Variants in ACVR2A observed in about 807,000 individuals in gnomAD.
ACVR2A encodes activin receptor type-2A.
In ACVR2A, 7 loss-of-function variants were observed where a neutral mutation model predicts 61.4. The observed-to-expected ratio is 0.11, with a 90% confidence interval of 0.06 to 0.21. ACVR2A has a LOEUF of 0.21. Ranked by LOEUF, ACVR2A falls within the 10% of genes least tolerant of loss-of-function variation. The pLI is 1.00. For missense variants in ACVR2A, 322 were observed against 621.7 expected, an observed-to-expected ratio of 0.52 and a Z score of 5.13; for synonymous variants, 193 against 208.3, an observed-to-expected ratio of 0.93 and a Z score of 0.63.
intron 4 of ACVR2A, among the ~76,000 whole-genome samples, chr2:147,906,840 A>T (rs748720123): frequency 0.01 from 712 of 68,384 alleles, 1 homozygote; most frequent in East Asian, 0.018. Context: ...TTTTTTTTTT[A>T]ACTTTAAATT....
At chr2:147,893,184 T>C (rs1170270438) in intron 1 of ACVR2A, among the ~76,000 whole-genome samples, 3 of 152,212 alleles carry the variant, frequency 2.0e-5, no homozygotes, top group Admixed American at 6.5e-5. Context: ...GTCTGTCTGC[T>C]TTCACTTAGC....
intron 1 of ACVR2A, among the ~76,000 whole-genome samples, chr2:147,864,774 T>C (rs1226651140): frequency 6.6e-6 from 1 of 152,144 alleles, no homozygotes; most frequent in East Asian, 1.9e-4. Context: ...AATTAAACAA[T>C]AATCCACTTA....
Position 147,915,250 on chromosome 2 carries a change from A to G in ACVR2A, c.588A>G (p.Glu196=), listed in dbSNP as rs1484858344. The G allele has an allele frequency of 1.2e-6, 2 of 1,612,318 alleles. No homozygotes were observed. Among genetic ancestry groups the G allele is most frequent in the Non-Finnish European group, 1.7e-6 (2 of 1,178,822 alleles). Residue 196 remains glutamate (E), a synonymous_variant, in exon 5 of 11, where the codon GAA becomes GAG. Coordinates refer to ENST00000241416, the MANE Select transcript of ACVR2A (RefSeq NM_001616.5). The part of the protein sequence containing the change: ...LLGLKPLQLL[E]VKARGRFGCV... ...GTTTGAAACCACTGCAGTTATTAGA[A>G]GTGAAAGCAAGGGGAAGATTTGGTT...
intron 1 of ACVR2A, among the ~76,000 whole-genome samples, chr2:147,862,330 G>T (rs1290516936): frequency 6.6e-6 from 1 of 151,344 alleles, no homozygotes; most frequent in Non-Finnish European, 1.5e-5. Flanking sequence ...GCTTGATGTT[G>T]TAACTATAAA....
chr2:147,910,306 G>C (rs1687083850), intron 4 of ACVR2A, among the ~76,000 whole-genome samples: 1 of 152,026 alleles, frequency 6.6e-6, no homozygotes, highest in South Asian at 2.1e-4. Flanking sequence ...CATCTTTATA[G>C]TGTCATCTTT....
chr2:147,872,680 T>C (rs1280449934), intron 1 of ACVR2A, among the ~76,000 whole-genome samples: 1 of 151,622 alleles, frequency 6.6e-6, no homozygotes, highest in African/African-American at 2.4e-5. Context: ...GTTTTTTTTC[T>C]TAATAACACA....
At chr2:147,920,591 G>A (rs188078118) in intron 8 of ACVR2A, among the ~76,000 whole-genome samples, 247 of 152,216 alleles carry the variant, frequency 1.6e-3, no homozygotes, top group African/African-American at 5.6e-3. Context: ...ATTGATCAAA[G>A]AATAATCCAC....
intron 4 of ACVR2A, among the ~76,000 whole-genome samples, chr2:147,910,879 T>G (rs1687095481): frequency 6.6e-6 from 1 of 152,150 alleles, no homozygotes; most frequent in African/African-American, 2.4e-5. Context: ...TATGTTTTAC[T>G]TAATTCTGAT....
rs931868537 is a variant in ACVR2A at position 147,927,507 on chromosome 2, CT to C, written c.*237del. 1 of 383,708 alleles carries C rather than the reference CT, an allele frequency of 2.6e-6. No individual in the cohort carries two copies. The highest frequency in any genetic ancestry group is 4.6e-5 in the Admixed American group (1 of 21,556). The allele number at this position is 383,708 out of a possible 1,614,324, so 23.8% of individuals were successfully genotyped here. The stretch of plus-strand genomic sequence containing the variant: ...AAACCTTGCAAACTCTATAAAGAAA[CT>C]TTTGAAAAAGTGTACATGAAGAATG... On this transcript the variant is annotated 3_prime_UTR_variant, in exon 11 of 11. Transcript: ENST00000241416.
intron 1 of ACVR2A, among the ~76,000 whole-genome samples, chr2:147,868,703 C>T (rs1685938298): frequency 6.6e-6 from 1 of 152,010 alleles, no homozygotes; most frequent in Non-Finnish European, 1.5e-5. Context: ...GGGAACATGG[C>T]TTACTACAGC....
chr2:147,915,181 TTATC>T lies in ACVR2A; in HGVS notation c.529-8_529-5del. ...TGCTTATTTATAGTATTATTATTAT[TTATC>T]TGTAGGACCCAGGACCACCCCCACC... is the stretch of plus-strand genomic sequence containing the variant. On this transcript the variant is annotated splice_polypyrimidine_tract_variant and splice_region_variant and intron_variant, in intron 4 of 10. Transcript: ENST00000241416. The T allele has an allele frequency of 1.2e-6, 2 of 1,610,130 alleles. No individual in the cohort carries two copies. Among genetic ancestry groups the T allele is most frequent in the East Asian group, 2.2e-5 (1 of 44,780 alleles).
chr2:147,925,979 A>G (rs968472583), intron 9 of ACVR2A, 52 bp from the exon 10 acceptor site: 1 of 1,570,950 alleles, frequency 6.4e-7, no homozygotes, highest in Non-Finnish European at 8.6e-7. Context: ...CCAGTTTGAA[A>G]GTCAGGAGGA....
intron 1 of ACVR2A, among the ~76,000 whole-genome samples, chr2:147,870,073 T>G: frequency 1.5e-5 from 2 of 130,670 alleles, no homozygotes; most frequent in East Asian, 2.7e-4. Context: ...TGGGAGGACG[T>G]ATGAGGAGGG....
At position 147,915,164 on chromosome 2, in the gene ACVR2A, T is replaced by G. The variant is rs149826282; in HGVS notation, c.529-27T>G. Reference sequence around the variant, plus strand: ...TGGTGTGTGTCATGTTCTGCTTATTTATAGTATTATTATTATTTATCTGTA... The same window carrying G: ...TGGTGTGTGTCATGTTCTGCTTATTGATAGTATTATTATTATTTATCTGTA... On this transcript the variant is annotated intron_variant, in intron 4 of 10. Coordinates refer to ENST00000241416, the MANE Select transcript of ACVR2A (RefSeq NM_001616.5). The G allele has an allele frequency of 2.6e-4, 419 of 1,605,906 alleles. No individual in the cohort carries two copies. The African/African-American group carries it at 5.2e-3, about 20-fold the overall frequency.
intron 7 of ACVR2A, among the ~76,000 whole-genome samples, chr2:147,919,378 C>T (rs1323125030): frequency 2.0e-5 from 3 of 152,088 alleles, no homozygotes; most frequent in Admixed American, 6.6e-5. Flanking sequence ...GCCTCGTCTT[C>T]GATTTTCCCT....
chr2:147,921,180 T>G (rs1035074162), intron 8 of ACVR2A, among the ~76,000 whole-genome samples: 1 of 152,028 alleles, frequency 6.6e-6, no homozygotes, highest in African/African-American at 2.4e-5. Context: ...ATTACACACA[T>G]GCACCACCAT....
chr2:147,872,551 C>A (rs191060192), intron 1 of ACVR2A, among the ~76,000 whole-genome samples: 51 of 150,028 alleles, frequency 3.4e-4, no homozygotes, highest in Non-Finnish European at 6.1e-4. Flanking sequence ...TTGGCTTGAT[C>A]TCTTCCTTTG....
At chr2:147,868,368 G>A (rs573072357) in intron 1 of ACVR2A, among the ~76,000 whole-genome samples, 2 of 152,294 alleles carry the variant, frequency 1.3e-5, no homozygotes, top group East Asian at 3.9e-4. Context: ...AAATGTAATG[G>A]CAGATAACGT....
intron 1 of ACVR2A, among the ~76,000 whole-genome samples, chr2:147,892,423 T>C (rs551133856): frequency 6.7e-6 from 1 of 148,736 alleles, no homozygotes; most frequent in African/African-American, 2.5e-5. Context: ...TGCTAGTATA[T>C]TGTAGAACCA....
Sources: allele counts gnomAD v4.1 joint callset (sites outside exome capture counted in the v4.1 genomes callset), GRCh38; gene constraint gnomAD v4.1.1; transcripts MANE v1.5; gene names NCBI Gene and HGNC (gene_info 2026-07-23, HGNC 2026-07-21).